Variants in CPSF3 observed in about 807,000 individuals in gnomAD.
The protein encoded by CPSF3 is cleavage and polyadenylation specificity factor subunit 3.
A neutral mutation model predicts 84.1 loss-of-function variants in CPSF3; 57 were observed. That is an observed-to-expected ratio of 0.68 (90% confidence interval 0.55 to 0.85). CPSF3 has a LOEUF of 0.85. Ranked by LOEUF, CPSF3 falls within the 40% of genes least tolerant of loss-of-function variation. The probability of loss-of-function intolerance (pLI) is 0.00; values close to 1 mark genes in which losing one functional copy is unlikely to be tolerated. For synonymous variants in CPSF3, 275 were observed against 278.1 expected (o/e 0.99, Z 0.11); for missense variants, 522 against 838.8 (o/e 0.62, Z 4.66).
chr2:9,444,154 AT>A (rs1558455760), intron 10 of CPSF3, among the ~76,000 whole-genome samples: 3 of 141,424 alleles, frequency 2.1e-5, no homozygotes, highest in Admixed American at 7.0e-5. Context: ...ATATATATAT[AT>A]ATATTTTTTT....
At chr2:9,444,713 G>A (rs1681072603) in intron 10 of CPSF3, among the ~76,000 whole-genome samples, 1 of 152,010 alleles carries the variant, frequency 6.6e-6, no homozygotes, top group Non-Finnish European at 1.5e-5. Context: ...TGCCTAGGCT[G>A]GAGTGCAGTG....
At chr2:9,467,815 C>T in intron 16 of CPSF3, 39 bp downstream of exon 16, 1 of 1,542,552 alleles carries the variant, frequency 6.5e-7, no homozygotes, top group Non-Finnish European at 9.0e-7. Flanking sequence ...AAGACAGTGA[C>T]AGCGGCCGGA....
chr2:9,471,219 A>G, intron 16 of CPSF3, 124 bp from the exon 17 acceptor site: 1 of 596,580 alleles, frequency 1.7e-6, no homozygotes, highest in Non-Finnish European at 3.0e-6. Context: ...ATCTCAAAAA[A>G]AAAAAGAAAA....
intron 1 of CPSF3, among the ~76,000 whole-genome samples, chr2:9,426,885 A>AAAAC (rs1386551385): frequency 6.6e-6 from 1 of 151,896 alleles, no homozygotes; most frequent in Non-Finnish European, 1.5e-5. Flanking sequence ...CAAAAAAAAA[A>AAAAC]AAAAGACTGA....
At chr2:9,466,042 A>G (rs982866644) in intron 15 of CPSF3, among the ~76,000 whole-genome samples, 2 of 152,174 alleles carry the variant, frequency 1.3e-5, no homozygotes, top group African/African-American at 4.8e-5. Context: ...CAACTTTAAA[A>G]CATTTACATC....
chr2:9,442,054 C>T, intron 9 of CPSF3, 78 bp downstream of exon 9: 2 of 1,423,020 alleles, frequency 1.4e-6, no homozygotes, highest in Non-Finnish European at 1.9e-6. Context: ...GGTTTTTGCA[C>T]TGAAGTAGTT....
Position 9,445,858 on chromosome 2 carries a change from A to G in CPSF3, c.1242+2197A>G, listed in dbSNP as rs559736165. Among the ~76,000 whole-genome samples, 13 of 152,350 alleles carry G rather than the reference A, an allele frequency of 8.5e-5. No individual in the cohort carries two copies. In the South Asian group the frequency reaches 2.7e-3, roughly 32 times the overall value. ...TATAGCTGCAGGATAAAATTGCAAT[A>G]CTAGTAGTGTTGGTGGTAGTAATGA... On this transcript the variant is annotated intron_variant, in intron 10 of 17. Coordinates refer to ENST00000238112, the MANE Select transcript of CPSF3 (RefSeq NM_016207.4).
chr2:9,470,179 G>A (rs929126875), intron 16 of CPSF3, among the ~76,000 whole-genome samples: 5 of 152,160 alleles, frequency 3.3e-5, no homozygotes, highest in African/African-American at 1.2e-4. Context: ...CCGAGATCGG[G>A]ACACTGCACT....
intron 6 of CPSF3, among the ~76,000 whole-genome samples, chr2:9,435,706 C>T (rs140863996): frequency 4.0e-5 from 6 of 151,844 alleles, no homozygotes; most frequent in African/African-American, 1.4e-4. Flanking sequence ...CATGAGCCAC[C>T]ATGCCCGGCC....
At chr2:9,460,798 C>T (rs1015450289) in intron 15 of CPSF3, among the ~76,000 whole-genome samples, 6 of 151,866 alleles carry the variant, frequency 4.0e-5, no homozygotes, top group Non-Finnish European at 7.4e-5. Flanking sequence ...AGGCATAAGC[C>T]ACTGTACCCA....
intron 4 of CPSF3, among the ~76,000 whole-genome samples, chr2:9,431,351 C>T (rs1020584652): frequency 7.9e-5 from 12 of 151,708 alleles, no homozygotes; most frequent in Non-Finnish European, 1.5e-4. Context: ...ACTGGCCTGG[C>T]CTTGAAGTCT....
intron 11 of CPSF3, among the ~76,000 whole-genome samples, chr2:9,450,194 C>T (rs925110171): frequency 1.2e-4 from 18 of 149,828 alleles, no homozygotes; most frequent in African/African-American, 4.2e-4. Flanking sequence ...CTCTGTCGCC[C>T]AGGCTGGAGT....
At chr2:9,455,926 A>G (rs182777536) in intron 13 of CPSF3, among the ~76,000 whole-genome samples, 169 bp downstream of exon 13, 1 of 152,312 alleles carries the variant, frequency 6.6e-6, no homozygotes, top group East Asian at 1.9e-4. Context: ...TTTAGAATAT[A>G]CACTCATATT....
At position 9,430,947 on chromosome 2, in the gene CPSF3, C is replaced by T; in HGVS notation, c.341+67C>T. ...TGGCATGTATGGTTCAAGATATGGA[C>T]CATTTTGTGTTTTAAAATGAGGTGC... On this transcript the variant is annotated intron_variant, in intron 4 of 17. Coordinates refer to ENST00000238112, the MANE Select transcript of CPSF3 (RefSeq NM_016207.4). 5 of 1,245,812 alleles carry T rather than the reference C, an allele frequency of 4.0e-6. No homozygotes were observed. In the South Asian group the frequency reaches 5.3e-5, roughly 13 times the overall value. 77.2% of individuals were successfully genotyped at this position (1,245,812 alleles called of 1,614,324 possible).
chr2:9,436,183 A>G, intron 6 of CPSF3, 28 bp from the exon 7 acceptor site: 1 of 1,525,252 alleles, frequency 6.6e-7, no homozygotes, highest in Non-Finnish European at 8.8e-7. Flanking sequence ...CATTGGTCTT[A>G]GTCTCACACT....
At chr2:9,469,916 A>C (rs976360621) in intron 16 of CPSF3, among the ~76,000 whole-genome samples, 3 of 152,248 alleles carry the variant, frequency 2.0e-5, no homozygotes, top group African/African-American at 7.2e-5. Context: ...TTCTGTGTTT[A>C]AAATATAATT....
At chr2:9,466,255 C>T (rs1681923298) in intron 15 of CPSF3, among the ~76,000 whole-genome samples, 1 of 99,372 alleles carries the variant, frequency 1.0e-5, no homozygotes, top group East Asian at 2.0e-4. Flanking sequence ...CACGCGCACA[C>T]ACGCACACAA....
At chr2:9,424,060 G>T in intron 1 of CPSF3, 1 of 1,239,692 alleles carries the variant, frequency 8.1e-7, no homozygotes, top group Non-Finnish European at 1.0e-6. Context: ...AGGGTATGTT[G>T]GAGTCGGAAA....
chr2:9,450,081 C>G (rs915422264), intron 11 of CPSF3, among the ~76,000 whole-genome samples: 1 of 151,280 alleles, frequency 6.6e-6, no homozygotes, highest in East Asian at 1.9e-4. Flanking sequence ...ACTGCAGCCT[C>G]GACCTCCCTA....
Sources: allele counts gnomAD v4.1 joint callset (sites outside exome capture counted in the v4.1 genomes callset), GRCh38; gene constraint gnomAD v4.1.1; transcripts MANE v1.5; gene names NCBI Gene and HGNC (gene_info 2026-07-23, HGNC 2026-07-21).